EDIL3: variants seen among roughly 807,000 people sequenced by gnomAD.
EDIL3 encodes the protein EGF like and discoidin domains 3, also known as EGF-like repeat and discoidin I-like domain-containing protein 3.
A neutral mutation model predicts 67.4 loss-of-function variants in EDIL3; 37 were observed. That is an observed-to-expected ratio of 0.55 (90% CI 0.42 to 0.72). The LOEUF is 0.72. EDIL3 is among the 30% of genes least tolerant of loss of function. The pLI is 0.00. For missense variants in EDIL3, 527 were observed against 586.3 expected (o/e 0.90, Z 1.04); for synonymous variants, 195 against 196.3 (o/e 0.99, Z 0.05).
intron 2 of EDIL3, among the ~76,000 whole-genome samples, chr5:84,238,477 CA>C (rs925585375): frequency 6.6e-6 from 1 of 151,768 alleles, no homozygotes; most frequent in African/African-American, 2.4e-5. Flanking sequence ...TCATTTTGGT[CA>C]GGGGGAGTTA....
intron 4 of EDIL3, among the ~76,000 whole-genome samples, chr5:84,163,291 C>T (rs347347): frequency 0.43 from 65,508 of 151,820 alleles, 14,620 homozygotes; most frequent in East Asian, 0.74. Flanking sequence ...TAAATTTTTC[C>T]TCAATTTGGT....
intron 9 of EDIL3, among the ~76,000 whole-genome samples, chr5:83,986,056 A>G (rs1340941212): frequency 6.6e-6 from 1 of 152,158 alleles, no homozygotes; most frequent in Non-Finnish European, 1.5e-5. Flanking sequence ...TACTGGGAAA[A>G]GTGAAGGAGT....
chr5:84,030,290 A>G (rs1745896470), intron 9 of EDIL3, among the ~76,000 whole-genome samples: 1 of 152,214 alleles, frequency 6.6e-6, no homozygotes, highest in African/African-American at 2.4e-5. Context: ...TTGTGTATCT[A>G]AAACATAAGT....
intron 9 of EDIL3, among the ~76,000 whole-genome samples, chr5:84,016,096 A>G (rs931088573): frequency 6.6e-6 from 1 of 152,126 alleles, no homozygotes; most frequent in African/African-American, 2.4e-5. Flanking sequence ...CTTTGTGTTC[A>G]TGAGTTCTCA....
At chr5:84,004,763 C>T (rs1745384142) in intron 9 of EDIL3, among the ~76,000 whole-genome samples, 1 of 151,980 alleles carries the variant, frequency 6.6e-6, no homozygotes, top group African/African-American at 2.4e-5. Flanking sequence ...AACCTAACAT[C>T]ACATCTAGAG....
intron 9 of EDIL3, among the ~76,000 whole-genome samples, chr5:84,050,674 C>T (rs974746046): frequency 3.3e-5 from 5 of 152,210 alleles, no homozygotes; most frequent in African/African-American, 1.2e-4. Context: ...ATATCCTGCG[C>T]CTGGCTCAGA....
intron 9 of EDIL3, among the ~76,000 whole-genome samples, chr5:84,034,385 C>T (rs62364190): frequency 4.2e-3 from 631 of 151,944 alleles, no homozygotes; most frequent in Middle Eastern, 0.01. Context: ...TTTATTTTGT[C>T]CACATTTTAG....
At chr5:84,352,809 A>C (rs2112191179) in intron 1 of EDIL3, among the ~76,000 whole-genome samples, 1 of 152,288 alleles carries the variant, frequency 6.6e-6, no homozygotes, top group South Asian at 2.1e-4. Flanking sequence ...ATGTGATTTC[A>C]AAAAAAGAAA....
chr5:84,029,937 C>T (rs941068295), intron 9 of EDIL3, among the ~76,000 whole-genome samples: 6 of 152,228 alleles, frequency 3.9e-5, no homozygotes, highest in African/African-American at 1.4e-4. Context: ...TGGCAAGAAA[C>T]TCAGAAAAAC....
At chr5:84,120,554 A>G (rs1264936772) in intron 5 of EDIL3, among the ~76,000 whole-genome samples, 1 of 152,032 alleles carries the variant, frequency 6.6e-6, no homozygotes, top group Non-Finnish European at 1.5e-5. Context: ...ATCTAAAAAG[A>G]GCAATTTTTT....
At chr5:84,059,437 A>T (rs1427019661) in intron 9 of EDIL3, among the ~76,000 whole-genome samples, 1 of 152,138 alleles carries the variant, frequency 6.6e-6, no homozygotes, top group Non-Finnish European at 1.5e-5. Context: ...AGGAGAGAAG[A>T]GAAGAGGAAC....
At chr5:84,145,379 T>C (rs1225954283) in intron 4 of EDIL3, among the ~76,000 whole-genome samples, 1 of 152,070 alleles carries the variant, frequency 6.6e-6, no homozygotes, top group Non-Finnish European at 1.5e-5. Flanking sequence ...TGCGAGGGGA[T>C]ACTCTGCATA....
chr5:84,341,463 G>A (rs1305552102), intron 1 of EDIL3, among the ~76,000 whole-genome samples: 1 of 151,986 alleles, frequency 6.6e-6, no homozygotes, highest in Non-Finnish European at 1.5e-5. Context: ...AGAAACAAAA[G>A]TAAAGACAAT....
At chr5:84,252,494 A>G (rs1271442040) in intron 2 of EDIL3, among the ~76,000 whole-genome samples, 1 of 86,836 alleles carries the variant, frequency 1.2e-5, no homozygotes, top group Non-Finnish European at 2.4e-5. Context: ...ACTCCGTCTC[A>G]AAAAAAAAAA....
chr5:84,242,625 CT>C (rs1744821057), intron 2 of EDIL3, among the ~76,000 whole-genome samples: 1 of 151,638 alleles, frequency 6.6e-6, no homozygotes, highest in South Asian at 2.1e-4. Flanking sequence ...TGGCAAAACC[CT>C]GTCTCTACAC....
At chr5:84,105,761 G>C (rs1393246375) in intron 6 of EDIL3, among the ~76,000 whole-genome samples, 1 of 151,838 alleles carries the variant, frequency 6.6e-6, no homozygotes, top group Non-Finnish European at 1.5e-5. Flanking sequence ...ATATTCCCCA[G>C]ATTGTCATGT....
At chr5:84,173,099 G>A (rs946686186) in intron 4 of EDIL3, among the ~76,000 whole-genome samples, 1 of 152,164 alleles carries the variant, frequency 6.6e-6, no homozygotes, top group Non-Finnish European at 1.5e-5. Flanking sequence ...AGAAATCTGC[G>A]AGATAAATCC....
chr5:84,247,822 A>G (rs1427487831), intron 2 of EDIL3, among the ~76,000 whole-genome samples: 4 of 152,122 alleles, frequency 2.6e-5, no homozygotes, highest in East Asian at 3.9e-4. Context: ...CCAGATGTCA[A>G]TGTAATTACA....
At chr5:84,116,791 C>T (rs1014141210) in intron 5 of EDIL3, among the ~76,000 whole-genome samples, 156 of 152,150 alleles carry the variant, frequency 1.0e-3, no homozygotes, top group African/African-American at 3.6e-3. Context: ...AAAAGAATAT[C>T]GAGAAGGATT....
Sources: gnomAD v4.1 joint callset for allele counts (sites outside exome capture counted in the v4.1 genomes callset) on GRCh38, gnomAD v4.1.1 for gene constraint, MANE v1.5 for transcripts, NCBI Gene and HGNC (gene_info 2026-07-23, HGNC 2026-07-21) for gene names.